CSPP1: variants seen among roughly 807,000 people sequenced by gnomAD.
The protein encoded by CSPP1 is centrosome and spindle pole associated protein 1.
In CSPP1, 126 loss-of-function variants were observed where a neutral mutation model predicts 164.4. The observed-to-expected ratio is 0.77, with a 90% confidence interval of 0.66 to 0.89. The LOEUF (loss-of-function observed/expected upper bound fraction) is 0.89. Ranked by LOEUF, CSPP1 falls within the 40% of genes least tolerant of loss-of-function variation. The pLI is 0.00. For missense variants in CSPP1, 1,395 were observed against 1,449.8 expected (o/e 0.96, Z 0.61); for synonymous variants, 472 against 476.7 (o/e 0.99, Z 0.13).
At chr8:67,167,734 C>A (rs908239084) in intron 24 of CSPP1, among the ~76,000 whole-genome samples, 1 of 147,630 alleles carries the variant, frequency 6.8e-6, no homozygotes, top group African/African-American at 2.5e-5. Flanking sequence ...ACATCTCAGA[C>A]GATGGGCAGC....
At chr8:67,156,196 C>CT (rs1457173335) in intron 19 of CSPP1, among the ~76,000 whole-genome samples, 4 of 152,158 alleles carry the variant, frequency 2.6e-5, no homozygotes, top group Non-Finnish European at 5.9e-5. Flanking sequence ...TCAGATTTCT[C>CT]TGAGAGAGGT....
At chr8:67,091,463 T>C (rs1333995645) in intron 4 of CSPP1, among the ~76,000 whole-genome samples, 1 of 152,200 alleles carries the variant, frequency 6.6e-6, no homozygotes, top group Non-Finnish European at 1.5e-5. Flanking sequence ...AAAAAGACAG[T>C]AGAGCACTGA....
At chr8:67,190,132 A>G (rs1223935679) in intron 28 of CSPP1, among the ~76,000 whole-genome samples, 2 of 152,234 alleles carry the variant, frequency 1.3e-5, no homozygotes, top group Non-Finnish European at 2.9e-5. Flanking sequence ...TTGAATGTGA[A>G]TGTTCATAGC....
intron 26 of CSPP1, 136 bp downstream of exon 26, chr8:67,175,572 T>C (rs1033841418): frequency 4.0e-6 from 4 of 989,760 alleles, no homozygotes; most frequent in Non-Finnish European, 6.3e-6. Context: ...GTCCGTTTGG[T>C]CTGTAGTACC....
intron 9 of CSPP1, among the ~76,000 whole-genome samples, chr8:67,109,940 T>C (rs1385737244): frequency 6.6e-6 from 1 of 152,116 alleles, no homozygotes; most frequent in Admixed American, 6.6e-5. Context: ...CCCGTTATCT[T>C]ATACAGCTGT....
chr8:67,166,727 G>GTT (rs199739810), intron 24 of CSPP1, among the ~76,000 whole-genome samples: 2 of 142,394 alleles, frequency 1.4e-5, no homozygotes, highest in Non-Finnish European at 1.5e-5. Context: ...CAGTTTAACG[G>GTT]TTTTTTTTTT....
At chr8:67,120,714 C>T (rs1429766507) in intron 15 of CSPP1, among the ~76,000 whole-genome samples, 1 of 151,770 alleles carries the variant, frequency 6.6e-6, no homozygotes, top group African/African-American at 2.4e-5. Flanking sequence ...TGATTTGTAT[C>T]CTGTTACTTT....
At chr8:67,103,831 C>T (rs939186159) in intron 8 of CSPP1, among the ~76,000 whole-genome samples, 1 of 130,518 alleles carries the variant, frequency 7.7e-6, no homozygotes, top group African/African-American at 3.2e-5. Flanking sequence ...CAGAGCAAGA[C>T]TCCCTCTCAA....
At chr8:67,119,526 A>G (rs926109298) in intron 15 of CSPP1, among the ~76,000 whole-genome samples, 2 of 152,032 alleles carry the variant, frequency 1.3e-5, no homozygotes, top group Non-Finnish European at 2.9e-5. Flanking sequence ...AAGGGTTCCA[A>G]TTTCTCCACG....
In CSPP1 at chr8:67,158,462, C is replaced by G; in HGVS notation, c.2257C>G (p.Gln753Glu). 6.3e-7 allele frequency: 1 copy of G among 1,597,554 alleles called. No homozygotes were observed. Among genetic ancestry groups the G allele is most frequent in the Non-Finnish European group, 8.5e-7 (1 of 1,173,126 alleles). Residue 753 changes from glutamine (Q) to glutamate (E), a missense_variant, in exon 20 of 31, where the codon CAA (glutamine) becomes GAA (glutamate). Physicochemically the swap from Gln to Glu is conservative, Grantham distance 29 (BLOSUM62 2). Transcript: ENST00000678616. ...FLRFQIEEKK[Q>E]REEAERERLR... ...AATTCTTTAGATTGAGGAAAAGAAACAAAGAGAGGAAGCAGAGCGAGAGAG... is the reference window on the plus strand; with the variant it reads ...AATTCTTTAGATTGAGGAAAAGAAAGAAAGAGAGGAAGCAGAGCGAGAGAG...
rs768268552 is a variant in CSPP1 at position 67,137,621 on chromosome 8, A to C, written c.1975+18A>C. On this transcript the variant is annotated intron_variant, in intron 17 of 30. Coordinates refer to ENST00000678616, the MANE Select transcript of CSPP1 (RefSeq NM_001382391.1). ...TCTGATAAGTACGTTATTTCTACTGACTTGTTTTTAAAATAAGCTAAATTA... is the reference window on the plus strand; with the variant it reads ...TCTGATAAGTACGTTATTTCTACTGCCTTGTTTTTAAAATAAGCTAAATTA... 3.5e-5 allele frequency: 51 copies of C among 1,472,436 alleles called. No homozygotes were observed. Among genetic ancestry groups the C allele is most frequent in the Non-Finnish European group, 4.4e-5 (49 of 1,106,956 alleles). 91.2% of individuals were successfully genotyped at this position (1,472,436 alleles called of 1,614,324 possible). A position where few individuals can be genotyped will look rare whatever the true frequency, so the allele number is the denominator to read the frequency against.
intron 15 of CSPP1, among the ~76,000 whole-genome samples, chr8:67,125,991 C>G (rs181649014): frequency 2.0e-5 from 3 of 152,232 alleles, no homozygotes; most frequent in Admixed American, 6.5e-5. Context: ...CGCCACCACG[C>G]TTGGTTAATT....
chr8:67,161,221 G>T (rs1022836274), intron 21 of CSPP1, among the ~76,000 whole-genome samples: 1 of 152,108 alleles, frequency 6.6e-6, no homozygotes, highest in African/African-American at 2.4e-5. Flanking sequence ...TTCCTTGATA[G>T]CTTTTTGGTC....
chr8:67,126,979 T>TG (rs1820202749), intron 15 of CSPP1, among the ~76,000 whole-genome samples: 2 of 152,106 alleles, frequency 1.3e-5, no homozygotes, highest in East Asian at 1.9e-4. Context: ...ATTGGATTTT[T>TG]GGGGAATTCC....
In CSPP1 at chr8:67,161,884, C is replaced by T. The variant is rs1312092488; in HGVS notation, c.2612C>T (p.Ser871Leu). The T allele has an allele frequency of 1.9e-6, 3 of 1,611,460 alleles. No individual in the cohort carries two copies. Among genetic ancestry groups the T allele is most frequent in the East Asian group, 2.2e-5 (1 of 44,836 alleles). ...GCAAGCAAACTCCAAAGACCTCCTTCAGTTGACAGCATCATACGTTCCTTT... is the reference window on the plus strand; with the variant it reads ...GCAAGCAAACTCCAAAGACCTCCTTTAGTTGACAGCATCATACGTTCCTTT... The part of the protein sequence containing the change: ...KIASKLQRPP[S>L]VDSIIRSFIH... Residue 871 changes from serine to leucine, a missense_variant, in exon 22 of 31, where the codon TCA becomes TTA. Ser to Leu is a moderately radical substitution (Grantham distance 145, BLOSUM62 -2). Transcript: ENST00000678616.
rs1286449478 is a variant in CSPP1, at chr8:67,137,546, C to T, written c.1918C>T (p.Pro640Ser). 1.3e-6 allele frequency: 2 copies of T among 1,594,368 alleles called. No homozygotes were observed. The highest frequency in any genetic ancestry group is 2.3e-5 in the South Asian group (2 of 87,486). The change falls in exon 17 of 31, where the codon CCC becomes TCC. Residue 640 changes from proline (P) to serine (S), a missense_variant. Pro to Ser is a moderately conservative substitution (Grantham distance 74, BLOSUM62 -1). Coordinates refer to ENST00000678616, the MANE Select transcript of CSPP1 (RefSeq NM_001382391.1). ...KLEAEMRTYN[P>S]WGKGGGGAPL... The stretch of plus-strand genomic sequence containing the variant: ...AGAAGCTGAAATGAGAACATATAAT[C>T]CCTGGGGAAAAGGTGGAGGTGGTGC...
At chr8:67,123,432 T>C (rs1819386683) in intron 15 of CSPP1, among the ~76,000 whole-genome samples, 1 of 152,138 alleles carries the variant, frequency 6.6e-6, no homozygotes, top group East Asian at 1.9e-4. Context: ...GTTTGCATGG[T>C]GTATGATTTT....
At chr8:67,079,361 C>G (rs752088790) in intron 3 of CSPP1, among the ~76,000 whole-genome samples, 1 of 152,194 alleles carries the variant, frequency 6.6e-6, no homozygotes, top group African/African-American at 2.4e-5. Context: ...TGCTCCCCAT[C>G]TCACTGAGCT....
intron 24 of CSPP1, among the ~76,000 whole-genome samples, chr8:67,168,530 GAAAT>G (rs1033955342): frequency 2.0e-4 from 31 of 152,058 alleles, no homozygotes; most frequent in Admixed American, 1.3e-3. Flanking sequence ...GTATGTATTT[GAAAT>G]AAATAAATAA....
Sources: allele counts gnomAD v4.1 joint callset (sites outside exome capture counted in the v4.1 genomes callset), GRCh38; gene constraint gnomAD v4.1.1; transcripts MANE v1.5; gene names NCBI Gene and HGNC (gene_info 2026-07-23, HGNC 2026-07-21).